Variants in RALYL observed in about 807,000 individuals in gnomAD.
RALYL encodes the protein RNA-binding Raly-like protein.
In RALYL, 29 loss-of-function variants were observed where a neutral mutation model predicts 35.1. The ratio of observed to expected loss-of-function variants is 0.83; its 90% CI spans 0.61 to 1.13. RALYL has a LOEUF of 1.13. Ranked by LOEUF, RALYL falls within the 50% of genes most tolerant of loss-of-function variation. The pLI, the probability that RALYL is intolerant of heterozygous loss-of-function variation, is 0.00. For synonymous variants in RALYL, 120 were observed against 127.6 expected, an observed-to-expected ratio of 0.94 and a Z score of 0.40; for missense variants, 359 against 360.4, an observed-to-expected ratio of 1.00 and a Z score of 0.03.
intron 1 of RALYL, among the ~76,000 whole-genome samples, chr8:84,388,270 C>T (rs535533559): frequency 6.6e-6 from 1 of 152,214 alleles, no homozygotes; most frequent in East Asian, 1.9e-4. Context: ...GGTTCCAAGT[C>T]TTTGCTATTG....
rs141461007 is a variant in RALYL at position 84,644,844 on chromosome 8, C to T, written c.256+115267C>T. On this transcript the variant is annotated intron_variant, in intron 2 of 8. Transcript: ENST00000521268. ...TTGGCTCACTGCAACCTCCACCTCA[C>T]AGGTTCAAGCGATTCTTGTGCCCCA... Among the ~76,000 whole-genome samples, 243 of 151,902 alleles carry T rather than the reference C, an allele frequency of 1.6e-3. 1 individual carries two copies. The highest frequency in any genetic ancestry group is 5.5e-3 in the African/African-American group (228 of 41,472).
chr8:84,548,725 T>A (rs1012762283), intron 2 of RALYL, among the ~76,000 whole-genome samples: 2 of 152,236 alleles, frequency 1.3e-5, no homozygotes. Context: ...TATGTCCTTT[T>A]AGAACTTGAG....
At chr8:84,188,303 T>C (rs1484138294) in intron 1 of RALYL, among the ~76,000 whole-genome samples, 2 of 152,160 alleles carry the variant, frequency 1.3e-5, no homozygotes, top group East Asian at 3.9e-4. Context: ...AAACTCTGTG[T>C]TTTGCTATGA....
At chr8:84,751,466 C>T (rs778390281) in intron 2 of RALYL, among the ~76,000 whole-genome samples, 6 of 152,076 alleles carry the variant, frequency 3.9e-5, no homozygotes, top group Non-Finnish European at 7.4e-5. Context: ...CCTTGACCTC[C>T]CAAAGTGCTG....
At chr8:84,777,333 A>G (rs1012680220) in intron 3 of RALYL, among the ~76,000 whole-genome samples, 2 of 152,174 alleles carry the variant, frequency 1.3e-5, no homozygotes, top group African/African-American at 4.8e-5. Flanking sequence ...CATCAAACCA[A>G]TCATCAATAC....
At chr8:84,626,326 T>C (rs1380996028) in intron 2 of RALYL, among the ~76,000 whole-genome samples, 2 of 152,192 alleles carry the variant, frequency 1.3e-5, no homozygotes, top group Non-Finnish European at 2.9e-5. Context: ...CAAGCTTTAC[T>C]CTCTGCATGA....
intron 1 of RALYL, among the ~76,000 whole-genome samples, chr8:84,206,022 A>G (rs1817976155): frequency 6.6e-6 from 1 of 152,086 alleles, no homozygotes; most frequent in African/African-American, 2.4e-5. Context: ...ACATATGTGT[A>G]CACCAGTCTT....
At chr8:84,238,625 G>A (rs145223805) in intron 1 of RALYL, among the ~76,000 whole-genome samples, 219 of 152,128 alleles carry the variant, frequency 1.4e-3, no homozygotes, top group African/African-American at 4.8e-3. Flanking sequence ...GATCAGAGAG[G>A]GCGTTGACTG....
intron 2 of RALYL, among the ~76,000 whole-genome samples, chr8:84,655,007 A>T (rs930437994): frequency 6.6e-6 from 1 of 151,950 alleles, no homozygotes; most frequent in Non-Finnish European, 1.5e-5. Flanking sequence ...TTTTTTGGGG[A>T]ACCTCCAAAC....
chr8:84,346,054 A>G, intron 1 of RALYL: 1 of 980,124 alleles, frequency 1.0e-6, no homozygotes. Flanking sequence ...TCCTAATGAA[A>G]TGGGTTGCTT....
At chr8:84,233,349 A>C (rs189584697) in intron 1 of RALYL, among the ~76,000 whole-genome samples, 15 of 152,246 alleles carry the variant, frequency 9.9e-5, no homozygotes, top group Admixed American at 2.6e-4. Flanking sequence ...TAGGAAAAAA[A>C]TCTGATGCAT....
At chr8:84,403,347 G>C (rs1002312335) in intron 1 of RALYL, among the ~76,000 whole-genome samples, 9 of 151,918 alleles carry the variant, frequency 5.9e-5, no homozygotes, top group African/African-American at 2.2e-4. Flanking sequence ...AAGGTGTAAG[G>C]AAAGGGTCCA....
chr8:84,309,768 T>C (rs1346154452), intron 1 of RALYL, among the ~76,000 whole-genome samples: 4 of 152,040 alleles, frequency 2.6e-5, no homozygotes, highest in Non-Finnish European at 4.4e-5. Flanking sequence ...AGAAAAGAAA[T>C]CTCAGAGCTA....
chr8:84,335,725 T>G (rs1345785531), intron 1 of RALYL, among the ~76,000 whole-genome samples: 1 of 147,714 alleles, frequency 6.8e-6, no homozygotes, highest in Non-Finnish European at 1.5e-5. Flanking sequence ...TTTTTTTTTT[T>G]TTTCCAAGAC....
chr8:84,829,355 G>A (rs1830396746), intron 4 of RALYL: 1 of 152,672 alleles, frequency 6.5e-6, no homozygotes, highest in Non-Finnish European at 1.5e-5. Context: ...TAGACAAAGA[G>A]GCCTTAAACC....
chr8:84,780,531 C>A (rs921484558), intron 3 of RALYL, among the ~76,000 whole-genome samples: 1 of 152,070 alleles, frequency 6.6e-6, no homozygotes, highest in Admixed American at 6.5e-5. Flanking sequence ...TGCTTTTGTT[C>A]TAGAAAAGGG....
intron 1 of RALYL, among the ~76,000 whole-genome samples, chr8:84,418,614 T>C (rs1161656695): frequency 1.3e-5 from 2 of 152,178 alleles, no homozygotes; most frequent in African/African-American, 4.8e-5. Flanking sequence ...CGTCCTTACA[T>C]GAAATACCCT....
intron 1 of RALYL, among the ~76,000 whole-genome samples, chr8:84,216,762 G>T (rs761254918): frequency 3.9e-5 from 6 of 152,068 alleles, no homozygotes; most frequent in Admixed American, 6.6e-5. Context: ...ACTAAAAAAT[G>T]GAATTTTAAA....
chr8:84,235,010 G>A (rs767646927), intron 1 of RALYL, among the ~76,000 whole-genome samples: 18 of 152,148 alleles, frequency 1.2e-4, no homozygotes, highest in Admixed American at 3.3e-4. Flanking sequence ...TGATCTGCCC[G>A]CCTCAGCCTC....
Sources: allele counts gnomAD v4.1 joint callset (sites outside exome capture counted in the v4.1 genomes callset), GRCh38; gene constraint gnomAD v4.1.1; transcripts MANE v1.5; gene names NCBI Gene and HGNC (gene_info 2026-07-23, HGNC 2026-07-21).